Variants in DDX46 observed in about 807,000 individuals in gnomAD.
DDX46 encodes probable ATP-dependent RNA helicase DDX46.
Under a neutral mutation model 134.9 loss-of-function variants are expected in DDX46, and 30 were observed. That is an observed-to-expected ratio of 0.22 (90% CI 0.17 to 0.30). DDX46 has a LOEUF of 0.30. Among genes scored for constraint, DDX46 ranks in the 10% least tolerant of loss-of-function variants. The pLI is 1.00. For synonymous variants in DDX46, 415 were observed against 404.1 expected (o/e 1.03, Z -0.32); for missense variants, 622 against 1,248.7 (o/e 0.50, Z 7.56).
At chr5:134,774,912 C>T (rs919127978) in intron 5 of DDX46, among the ~76,000 whole-genome samples, 4 of 151,996 alleles carry the variant, frequency 2.6e-5, no homozygotes, top group East Asian at 1.9e-4. Context: ...CTGCAGTCTC[C>T]GCCTCCCAGG....
At chr5:134,820,639 T>A (rs1429782893) in intron 21 of DDX46, among the ~76,000 whole-genome samples, 2 of 152,212 alleles carry the variant, frequency 1.3e-5, no homozygotes, top group Admixed American at 1.3e-4. Flanking sequence ...TCTGTAGCAG[T>A]CTTTTGCTAT....
At chr5:134,762,760 A>T (rs918812232) in intron 1 of DDX46, among the ~76,000 whole-genome samples, 9 of 151,334 alleles carry the variant, frequency 5.9e-5, no homozygotes, top group Admixed American at 4.0e-4. Context: ...ATAAAATAAA[A>T]ATAATTAGCT....
intron 5 of DDX46, among the ~76,000 whole-genome samples, chr5:134,775,755 G>A (rs1490797365): frequency 6.6e-6 from 1 of 152,156 alleles, no homozygotes; most frequent in Non-Finnish European, 1.5e-5. Context: ...GCCTCCCAAA[G>A]CAGTGGGATT....
Position 134,830,952 on chromosome 5 carries a change from C to A in DDX46, c.*2246C>A, listed in dbSNP as rs1031741053. The stretch of plus-strand genomic sequence containing the variant: ...TTTGTATATCAGTTGTGATGAGCCA[C>A]TGATAAAATTTTGTTCTAAAATGAA... On this transcript the variant is annotated 3_prime_UTR_variant, in exon 23 of 23. Coordinates refer to ENST00000452510, the MANE Select transcript of DDX46 (RefSeq NM_001300860.2). The A allele has an allele frequency of 6.6e-6, 1 of 152,532 alleles. No homozygotes were observed. Among genetic ancestry groups the A allele is most frequent in the Non-Finnish European group, 1.5e-5 (1 of 68,036 alleles). The allele number at this position is 152,532 out of a possible 1,614,324, so 9.4% of individuals were successfully genotyped here.
chr5:134,804,122 G>A (rs945164314), intron 15 of DDX46, among the ~76,000 whole-genome samples: 5 of 151,660 alleles, frequency 3.3e-5, no homozygotes, highest in Non-Finnish European at 5.9e-5. Flanking sequence ...TTGTAAAGAT[G>A]GGTTTTTGCT....
chr5:134,800,986 T>C (rs900627405), intron 15 of DDX46, among the ~76,000 whole-genome samples: 1 of 152,066 alleles, frequency 6.6e-6, no homozygotes, highest in Non-Finnish European at 1.5e-5. Context: ...CATGTATTCT[T>C]TTAAGAACGT....
chr5:134,761,722 C>T (rs184472580), intron 1 of DDX46, among the ~76,000 whole-genome samples: 1 of 152,188 alleles, frequency 6.6e-6, no homozygotes, highest in Non-Finnish European at 1.5e-5. Flanking sequence ...TGAGTGATTT[C>T]TCTCTTGCTG....
chr5:134,781,940 A>G lies in DDX46; in HGVS notation c.899A>G (p.Glu300Gly). ...DAMEYSSEEE[E>G]VDLQTALTGY... is the part of the protein sequence containing the mutation. ...CTATAGTATTCTTCAGAGGAGGAAGAAGTTGATCTTCAGACAGCCCTTACA... is the reference window on the plus strand; with the variant it reads ...CTATAGTATTCTTCAGAGGAGGAAGGAGTTGATCTTCAGACAGCCCTTACA... Residue 300 changes from glutamate (E) to glycine (G), a missense_variant, in exon 8 of 23, where the codon GAA (glutamate) becomes GGA (glycine). Coordinates refer to ENST00000452510, the MANE Select transcript of DDX46 (RefSeq NM_001300860.2). The G allele has an allele frequency of 1.2e-6, 2 of 1,606,970 alleles. No homozygotes were observed. Among genetic ancestry groups the G allele is most frequent in the East Asian group, 2.2e-5 (1 of 44,820 alleles).
intron 16 of DDX46, among the ~76,000 whole-genome samples, chr5:134,810,819 G>A (rs1230663885): frequency 1.4e-4 from 21 of 151,068 alleles, no homozygotes; most frequent in African/African-American, 5.1e-4. Flanking sequence ...CAGCCTGGCC[G>A]ACATGGTGAA....
intron 15 of DDX46, among the ~76,000 whole-genome samples, chr5:134,797,908 G>A (rs1001687702): frequency 2.6e-5 from 4 of 151,742 alleles, no homozygotes; most frequent in Non-Finnish European, 4.4e-5. Context: ...CGCCTCCCAC[G>A]TTCAAGTGAT....
intron 6 of DDX46, among the ~76,000 whole-genome samples, chr5:134,779,646 G>A (rs186099879): frequency 1.3e-5 from 2 of 152,138 alleles, no homozygotes. Flanking sequence ...CTACAGGCAT[G>A]TACCACCACA....
chr5:134,821,536 G>GT (rs558162733), intron 21 of DDX46, among the ~76,000 whole-genome samples: 3,068 of 94,396 alleles, frequency 0.033, 63 homozygotes, highest in African/African-American at 0.094. Flanking sequence ...TGGGTTTTTT[G>GT]TTTTTTTTTT....
chr5:134,813,469 T>C (rs1755204257), intron 18 of DDX46, among the ~76,000 whole-genome samples: 1 of 152,220 alleles, frequency 6.6e-6, no homozygotes, highest in Non-Finnish European at 1.5e-5. Context: ...ATAGGATGCC[T>C]CAGTTCTTCA....
At chr5:134,775,784 G>A (rs749040622) in intron 5 of DDX46, among the ~76,000 whole-genome samples, 2 of 152,084 alleles carry the variant, frequency 1.3e-5, no homozygotes, top group African/African-American at 2.4e-5. Flanking sequence ...GAGCCATTAC[G>A]CCCAGCCAAG....
At chr5:134,792,132 G>GC (rs1250457238) in intron 13 of DDX46, among the ~76,000 whole-genome samples, 4 of 152,048 alleles carry the variant, frequency 2.6e-5, no homozygotes, top group Non-Finnish European at 5.9e-5. Context: ...AGCCGAGATC[G>GC]CATTACTGTA....
In DDX46 at chr5:134,829,845, C is replaced by T. The variant is rs1179367636; in HGVS notation, c.*1139C>T. ...TGGTGGTGGGTGGCTGTAATCCCAG[C>T]TACTCAGGAGGCTGAGGCAGAAGAA... On this transcript the variant is annotated 3_prime_UTR_variant, in exon 23 of 23. Coordinates refer to ENST00000452510, the MANE Select transcript of DDX46 (RefSeq NM_001300860.2). 2.0e-5 allele frequency: 3 copies of T among 151,926 alleles called. No homozygotes were observed. The highest frequency in any genetic ancestry group is 4.4e-5 in the Non-Finnish European group (3 of 68,018). The allele number at this position is 151,926 out of a possible 1,614,324, so 9.4% of individuals were successfully genotyped here. A position where few individuals can be genotyped will look rare whatever the true frequency, so the allele number is the denominator to read the frequency against.
At chr5:134,795,159 A>G (rs1754613278) in intron 14 of DDX46, 145 bp downstream of exon 14, 2 of 917,314 alleles carry the variant, frequency 2.2e-6, no homozygotes, top group Non-Finnish European at 3.2e-6. Context: ...GTATTTTACC[A>G]GATAAACTTA....
In DDX46 at chr5:134,790,559, A is replaced by G. The variant is rs1391477588; in HGVS notation, c.1626+7A>G. 3.1e-6 allele frequency: 5 copies of G among 1,606,092 alleles called. No homozygotes were observed. Among genetic ancestry groups the G allele is most frequent in the Non-Finnish European group, 4.3e-6 (5 of 1,176,244 alleles). On this transcript the variant is annotated splice_region_variant and intron_variant, in intron 13 of 22. Coordinates refer to ENST00000452510, the MANE Select transcript of DDX46 (RefSeq NM_001300860.2). ...CATGGGTTTTGAACCCCAGGTAATC[A>G]TTAAATTTCTTAAGTGTTTTGAAAT...
At chr5:134,816,839 T>G (rs537997405) in intron 19 of DDX46, 22 of 485,030 alleles carry the variant, frequency 4.5e-5, no homozygotes, top group African/African-American at 3.6e-4. Context: ...ACTGGTAGTT[T>G]TATAGGGTAG....
Sources: allele counts gnomAD v4.1 joint callset (sites outside exome capture counted in the v4.1 genomes callset), GRCh38; gene constraint gnomAD v4.1.1; transcripts MANE v1.5; gene names NCBI Gene and HGNC (gene_info 2026-07-23, HGNC 2026-07-21).